The following PCGF5 variants were observed in gnomAD, a reference collection of about 807,000 sequenced individuals.
PCGF5 encodes the protein polycomb group ring finger 5, also known as polycomb group RING finger protein 5.
A neutral mutation model predicts 44.3 loss-of-function variants in PCGF5; 9 were observed. The observed-to-expected ratio is 0.20, with a 90% CI of 0.12 to 0.35. PCGF5 has a LOEUF of 0.35. Ranked by LOEUF, PCGF5 falls within the 10% of genes least tolerant of loss-of-function variation. PCGF5 has a pLI of 1.00. For synonymous variants in PCGF5, 95 were observed against 102.5 expected (o/e 0.93, Z 0.44); for missense variants, 146 against 305.3 (o/e 0.48, Z 3.89).
chr10:91,238,925 T>A lies in PCGF5; in HGVS notation c.113-1559T>A, dbSNP rs181925314. On this transcript the variant is annotated intron_variant, in intron 2 of 9. Transcript: ENST00000336126. ...TTCTGATACTGTCTTTTACCCACATTTTGTGAGAATTGTCATGAAGGCAGT... is the reference window on the plus strand; with the variant it reads ...TTCTGATACTGTCTTTTACCCACATATTGTGAGAATTGTCATGAAGGCAGT... Among the ~76,000 whole-genome samples, 374 of 152,190 alleles carry A rather than the reference T, an allele frequency of 2.5e-3. 3 individuals are homozygous for A. Among genetic ancestry groups the A allele is most frequent in the African/African-American group, 8.4e-3 (348 of 41,522 alleles).
At chr10:91,218,542 A>G (rs1036224935), upstream of PCGF5, among the ~76,000 whole-genome samples, 13 of 152,184 alleles carry the variant, frequency 8.5e-5, no homozygotes, top group African/African-American at 3.1e-4. Context: ...TGAAAGTCCC[A>G]TGTTTTAATA....
chr10:91,192,408 C>T (rs1477611935), intron 1 of PCGF5, among the ~76,000 whole-genome samples: 5 of 152,140 alleles, frequency 3.3e-5, no homozygotes, highest in African/African-American at 1.2e-4. Flanking sequence ...CTAAGCTAGT[C>T]AGATGCTATT....
chr10:91,164,646 A>G (rs1843465330), intron 1 of PCGF5, among the ~76,000 whole-genome samples: 1 of 152,214 alleles, frequency 6.6e-6, no homozygotes, highest in Admixed American at 6.5e-5. Context: ...CCATTCATGA[A>G]TACAGAATTT....
rs143695853 is a variant in PCGF5 at position 91,204,315 on chromosome 10, C to G, written c.-183-18374C>G. Among the ~76,000 whole-genome samples the G allele has an allele frequency of 6.4e-4, 88 of 138,404 alleles. No homozygotes were observed. In the East Asian group the frequency reaches 0.016, roughly 25 times the overall value. The allele number at this position is 138,404 out of a possible 152,430, so 90.8% of individuals were successfully genotyped here. ...GATTAGGTTTTAATTAAACCTTAAT[C>G]TGAATTAAGGTTTTCATTTAAAAAA... is the stretch of plus-strand genomic sequence containing the variant. On this transcript the variant is annotated intron_variant, in intron 1 of 9. Coordinates refer to the PCGF5 transcript ENST00000614189.
intron 2 of PCGF5, among the ~76,000 whole-genome samples, chr10:91,236,892 G>A (rs556835406): frequency 6.6e-6 from 1 of 152,206 alleles, no homozygotes; most frequent in African/African-American, 2.4e-5. Flanking sequence ...CTACTGAAAA[G>A]GGCTCTATAC....
At chr10:91,226,780 C>CA (rs1159894987) in intron 2 of PCGF5, among the ~76,000 whole-genome samples, 3 of 151,948 alleles carry the variant, frequency 2.0e-5, no homozygotes, top group Admixed American at 6.6e-5. Flanking sequence ...GCAGGAGATG[C>CA]AAAAAATCAC....
intron 8 of PCGF5, among the ~76,000 whole-genome samples, chr10:91,270,976 TCTA>T (rs1386468298): frequency 1.3e-5 from 2 of 152,014 alleles, no homozygotes; most frequent in Non-Finnish European, 2.9e-5. Context: ...TACAAATGAA[TCTA>T]CTCAATAGTT....
chr10:91,207,559 G>A (rs757014121), intron 1 of PCGF5, among the ~76,000 whole-genome samples: 1 of 152,102 alleles, frequency 6.6e-6, no homozygotes, highest in Non-Finnish European at 1.5e-5. Flanking sequence ...AGGAAATATG[G>A]CATTGTTATA....
intron 8 of PCGF5, among the ~76,000 whole-genome samples, chr10:91,267,865 G>C (rs1170702680): frequency 6.6e-6 from 1 of 152,098 alleles, no homozygotes; most frequent in African/African-American, 2.4e-5. Flanking sequence ...GCTGGAGTCA[G>C]CTTATTTCCT....
chr10:91,199,415 C>T (rs558112367), intron 1 of PCGF5, among the ~76,000 whole-genome samples: 1 of 152,292 alleles, frequency 6.6e-6, no homozygotes, highest in African/African-American at 2.4e-5. Context: ...GCCAAGATGG[C>T]CAGGCCTTTA....
chr10:91,263,132 C>A (rs1367220639), intron 7 of PCGF5, among the ~76,000 whole-genome samples: 1 of 152,102 alleles, frequency 6.6e-6, no homozygotes, highest in Non-Finnish European at 1.5e-5. Flanking sequence ...TATTTTGCTG[C>A]CTAGTATGCA....
At chr10:91,214,200 G>A (rs919887438) in intron 1 of PCGF5, among the ~76,000 whole-genome samples, 1 of 152,082 alleles carries the variant, frequency 6.6e-6, no homozygotes, top group Non-Finnish European at 1.5e-5. Context: ...TACTCTGGAG[G>A]TTGAGGTGGG....
chr10:91,251,452 A>G lies in PCGF5; in HGVS notation c.474+12A>G. ...ACAATGTAGTAAAGGTGAGTGAACAAGTACTATGGTATTTTTATGATCAGT... is the reference window on the plus strand; with the variant it reads ...ACAATGTAGTAAAGGTGAGTGAACAGGTACTATGGTATTTTTATGATCAGT... On this transcript the variant is annotated intron_variant, in intron 6 of 9. Transcript: ENST00000336126. 1 of 1,606,858 alleles carries G rather than the reference A, an allele frequency of 6.2e-7. No individual in the cohort carries two copies. Among genetic ancestry groups the G allele is most frequent in the South Asian group, 1.1e-5 (1 of 90,390 alleles).
chr10:91,278,547 A>G lies in PCGF5; in HGVS notation c.*231A>G. The G allele has an allele frequency of 2.1e-6, 1 of 486,850 alleles. No homozygotes were observed. Among genetic ancestry groups the G allele is most frequent in the South Asian group, 3.5e-5 (1 of 28,622 alleles). 30.2% of individuals were successfully genotyped at this position (486,850 alleles called of 1,614,324 possible). On this transcript the variant is annotated 3_prime_UTR_variant, in exon 10 of 10. Transcript: ENST00000336126. ...CTGCATAAGGTATTTGTGTTGTCTC[A>G]AAGTGTGCAAGTCATGGTAAAAATC... is the stretch of plus-strand genomic sequence containing the variant.
At chr10:91,275,197 G>C (rs997667639) in intron 9 of PCGF5, among the ~76,000 whole-genome samples, 1 of 151,840 alleles carries the variant, frequency 6.6e-6, no homozygotes, top group African/African-American at 2.4e-5. Context: ...AAAAAGCTCA[G>C]CTTTTCATAA....
At chr10:91,228,466 T>G (rs1025645772) in intron 2 of PCGF5, among the ~76,000 whole-genome samples, 1 of 152,156 alleles carries the variant, frequency 6.6e-6, no homozygotes, top group Non-Finnish European at 1.5e-5. Flanking sequence ...CTTCAGAGAT[T>G]ATGGCAGTAA....
intron 9 of PCGF5, among the ~76,000 whole-genome samples, chr10:91,274,803 T>C (rs1846266215): frequency 6.6e-6 from 1 of 152,114 alleles, no homozygotes; most frequent in African/African-American, 2.4e-5. Flanking sequence ...GCCCTGAGAA[T>C]TGATTATGTC....
chr10:91,176,439 T>C (rs1843709392), intron 1 of PCGF5, among the ~76,000 whole-genome samples: 1 of 152,188 alleles, frequency 6.6e-6, no homozygotes, highest in African/African-American at 2.4e-5. Context: ...CTGTATTTCC[T>C]GAATTTGAAT....
chr10:91,240,912 A>G lies in PCGF5; in HGVS notation c.209+332A>G, dbSNP rs192399252. ...TAGTAGAAAGAGGGAGAACTCATAG[A>G]AAGACTAATATTAGGACTGTTAATT... On this transcript the variant is annotated intron_variant, in intron 3 of 9. Coordinates refer to ENST00000336126, the MANE Select transcript of PCGF5 (RefSeq NM_032373.5). Among the ~76,000 whole-genome samples the G allele has an allele frequency of 9.2e-5, 14 of 151,788 alleles. No homozygotes were observed. In the East Asian group the frequency reaches 1.9e-3, roughly 21 times the overall value.
Sources: gnomAD v4.1 joint callset for allele counts (sites outside exome capture counted in the v4.1 genomes callset) on GRCh38, gnomAD v4.1.1 for gene constraint, MANE v1.5 for transcripts, NCBI Gene and HGNC (gene_info 2026-07-23, HGNC 2026-07-21) for gene names.